Variants in SHISA9 observed in about 807,000 individuals in gnomAD.
The protein encoded by SHISA9 is protein shisa-9.
In SHISA9, 13 loss-of-function variants were observed where a neutral mutation model predicts 38.0. That is an observed-to-expected ratio of 0.34 (90% CI 0.22 to 0.54). The LOEUF is 0.54. Ranked by LOEUF, SHISA9 falls within the 20% of genes least tolerant of loss-of-function variation. SHISA9 has a pLI of 0.91. For missense variants in SHISA9, 538 were observed against 575.8 expected (o/e 0.93, Z 0.67); for synonymous variants, 275 against 242.0 (o/e 1.14, Z -1.27).
chr16:12,952,064 T>G (rs980420698), intron 2 of SHISA9, among the ~76,000 whole-genome samples: 1 of 152,202 alleles, frequency 6.6e-6, no homozygotes, highest in African/African-American at 2.4e-5. Flanking sequence ...TTTTTTTGTT[T>G]TAAATAACAC....
At chr16:13,538,623 T>C in the SHISA9 span, among the ~76,000 whole-genome samples, 2 of 152,154 alleles carry the variant, frequency 1.3e-5, no homozygotes, top group African/African-American at 2.4e-5. Context: ...GGAGGTAACA[T>C]TCTAATGAGG....
the SHISA9 span, among the ~76,000 whole-genome samples, chr16:13,426,455 C>A: frequency 6.6e-6 from 1 of 152,126 alleles, no homozygotes; most frequent in African/African-American, 2.4e-5. Flanking sequence ...GGAGATAGAG[C>A]CCCCACTGGG....
chr16:13,417,667 T>C, the SHISA9 span, among the ~76,000 whole-genome samples: 156 of 152,334 alleles, frequency 1.0e-3, 1 homozygote, highest in African/African-American at 3.4e-3. Context: ...ATCACACACA[T>C]TGGGCAGACC....
intron 2 of SHISA9, among the ~76,000 whole-genome samples, chr16:13,051,352 A>T (rs1039416583): frequency 2.3e-4 from 35 of 152,258 alleles, no homozygotes; most frequent in African/African-American, 8.2e-4. Context: ...TATGGGGGAA[A>T]CCACCCCGAT....
At chr16:13,439,319 G>T in the SHISA9 span, among the ~76,000 whole-genome samples, 1 of 152,096 alleles carries the variant, frequency 6.6e-6, no homozygotes, top group African/African-American at 2.4e-5. Context: ...TGGTGGCTCT[G>T]TTGTATACTT....
At chr16:13,536,084 C>T in the SHISA9 span, among the ~76,000 whole-genome samples, 21 of 152,134 alleles carry the variant, frequency 1.4e-4, no homozygotes, top group Non-Finnish European at 2.1e-4. Context: ...CCGCAACCTC[C>T]GCTTCCCAGG....
chr16:12,933,026 T>C (rs940705654), intron 2 of SHISA9, among the ~76,000 whole-genome samples: 26 of 152,226 alleles, frequency 1.7e-4, no homozygotes, highest in South Asian at 2.1e-4. Flanking sequence ...ATATATAAAA[T>C]GAGGGAATAT....
the SHISA9 span, among the ~76,000 whole-genome samples, chr16:13,336,581 GA>G: frequency 5.9e-5 from 9 of 152,182 alleles, no homozygotes; most frequent in African/African-American, 2.2e-4. Context: ...TTCTCAAGAA[GA>G]TAAGGAAATA....
intron 2 of SHISA9, among the ~76,000 whole-genome samples, chr16:13,064,899 C>A (rs2073416697): frequency 6.6e-6 from 1 of 151,868 alleles, no homozygotes; most frequent in Non-Finnish European, 1.5e-5. Flanking sequence ...GAAGAGGGTG[C>A]TTTGGGGAGG....
chr16:13,551,642 C>A, the SHISA9 span, among the ~76,000 whole-genome samples: 1 of 152,170 alleles, frequency 6.6e-6, no homozygotes, highest in African/African-American at 2.4e-5. Context: ...AATCATTACT[C>A]CCCACACACA....
intron 2 of SHISA9, among the ~76,000 whole-genome samples, chr16:13,184,140 C>T (rs1289917250): frequency 2.0e-5 from 3 of 152,048 alleles, no homozygotes; most frequent in African/African-American, 4.8e-5. Flanking sequence ...AGCTGCCTCA[C>T]TAAATTGAGA....
chr16:13,460,923 C>T, the SHISA9 span, among the ~76,000 whole-genome samples: 1 of 152,234 alleles, frequency 6.6e-6, no homozygotes, highest in Non-Finnish European at 1.5e-5. Flanking sequence ...CTCAGTATGG[C>T]ATGAGCACAC....
the SHISA9 span, among the ~76,000 whole-genome samples, chr16:13,478,789 GC>G: frequency 6.6e-6 from 1 of 152,174 alleles, no homozygotes; most frequent in Admixed American, 6.5e-5. Flanking sequence ...AAGAATGCGG[GC>G]TCGAAGGCTG....
At chr16:13,064,039 G>A (rs1883987934) in intron 2 of SHISA9, among the ~76,000 whole-genome samples, 1 of 152,116 alleles carries the variant, frequency 6.6e-6, no homozygotes, top group Non-Finnish European at 1.5e-5. Context: ...TCAGTGTTTG[G>A]ACCCACATTA....
At chr16:13,442,909 TAAAAG>T in the SHISA9 span, among the ~76,000 whole-genome samples, 1 of 152,198 alleles carries the variant, frequency 6.6e-6, no homozygotes, top group Non-Finnish European at 1.5e-5. Context: ...CATTAATAGT[TAAAAG>T]AAAACAAGCT....
intron 2 of SHISA9, among the ~76,000 whole-genome samples, chr16:13,080,499 T>TA: frequency 6.6e-6 from 1 of 152,154 alleles, no homozygotes; most frequent in Non-Finnish European, 1.5e-5. Flanking sequence ...ATCCTGTGTC[T>TA]GCCCCTTCAT....
chr16:13,522,054 C>T, the SHISA9 span, among the ~76,000 whole-genome samples: 2 of 152,326 alleles, frequency 1.3e-5, no homozygotes, highest in Non-Finnish European at 2.9e-5. Context: ...ACAGGCGCTT[C>T]CCGGGAAGTT....
chr16:13,008,668 TCCCTCC>T (rs1306690572), intron 2 of SHISA9, among the ~76,000 whole-genome samples: 1 of 65,802 alleles, frequency 1.5e-5, no homozygotes, highest in African/African-American at 6.7e-5. Context: ...CCTCCCTTCC[TCCCTCC>T]CTCCCTCTCT....
At chr16:13,470,652 A>T in the SHISA9 span, among the ~76,000 whole-genome samples, 1 of 152,296 alleles carries the variant, frequency 6.6e-6, no homozygotes. Context: ...GCACATGGGG[A>T]TTGTTACAAT....
Sources: gnomAD v4.1 joint callset for allele counts (sites outside exome capture counted in the v4.1 genomes callset) on GRCh38, gnomAD v4.1.1 for gene constraint, MANE v1.5 for transcripts, NCBI Gene and HGNC (gene_info 2026-07-23, HGNC 2026-07-21) for gene names.